The following SUGCT variants were observed in gnomAD, a reference collection of about 807,000 sequenced individuals.
SUGCT encodes the protein succinyl-CoA:glutarate CoA-transferase.
A neutral mutation model predicts 55.0 loss-of-function variants in SUGCT; 41 were observed. That is an observed-to-expected ratio of 0.74 (90% CI 0.58 to 0.97). The LOEUF (loss-of-function observed/expected upper bound fraction) is 0.97. Among genes scored for constraint, SUGCT ranks in the 50% least tolerant of loss-of-function variants. The pLI is 0.00. For missense variants in SUGCT, 568 were observed against 547.8 expected (o/e 1.04, Z -0.37); for synonymous variants, 187 against 200.4 (o/e 0.93, Z 0.56).
At chr7:40,801,350 G>T (rs1228610435) in intron 13 of SUGCT, among the ~76,000 whole-genome samples, 1 of 152,168 alleles carries the variant, frequency 6.6e-6, no homozygotes, top group East Asian at 1.9e-4. Context: ...ACATCTTGTG[G>T]GGGGGAGGTC....
At chr7:40,355,730 T>A (rs536679785) in intron 9 of SUGCT, among the ~76,000 whole-genome samples, 111 of 152,366 alleles carry the variant, frequency 7.3e-4, no homozygotes, top group African/African-American at 2.6e-3. Flanking sequence ...TTTCACTTCA[T>A]TCAGGTGTAA....
intron 9 of SUGCT, among the ~76,000 whole-genome samples, chr7:40,363,195 TTC>T (rs1370208945): frequency 5.9e-5 from 9 of 152,014 alleles, no homozygotes; most frequent in African/African-American, 2.4e-5. Flanking sequence ...TATTTGATTC[TTC>T]TCTCTTTTTT....
At chr7:40,483,198 T>C (rs1384793485) in intron 11 of SUGCT, among the ~76,000 whole-genome samples, 1 of 152,178 alleles carries the variant, frequency 6.6e-6, no homozygotes, top group Non-Finnish European at 1.5e-5. Context: ...GACTCGAGGC[T>C]GGATCTTACA....
the SUGCT span, among the ~76,000 whole-genome samples, chr7:41,016,303 A>T: frequency 6.6e-6 from 1 of 152,274 alleles, no homozygotes; most frequent in African/African-American, 2.4e-5. Flanking sequence ...AATCTTAGAG[A>T]CAGATGCATG....
intron 12 of SUGCT, among the ~76,000 whole-genome samples, chr7:40,733,021 A>G (rs1270582191): frequency 9.2e-5 from 14 of 152,136 alleles, no homozygotes. Flanking sequence ...GTGAGCTGAA[A>G]TTGTGCTGCT....
At chr7:40,198,045 A>G (rs1786385335) in intron 6 of SUGCT, among the ~76,000 whole-genome samples, 1 of 152,210 alleles carries the variant, frequency 6.6e-6, no homozygotes, top group African/African-American at 2.4e-5. Flanking sequence ...GTTCTCAGAC[A>G]AGGAAGAATG....
intron 12 of SUGCT, among the ~76,000 whole-genome samples, chr7:40,572,402 TG>T (rs1269568901): frequency 6.6e-6 from 1 of 152,152 alleles, no homozygotes; most frequent in Admixed American, 6.5e-5. Flanking sequence ...GGCTCTCAGG[TG>T]GCTCGTGTTC....
the SUGCT span, among the ~76,000 whole-genome samples, chr7:40,902,332 A>T: frequency 6.6e-6 from 1 of 152,118 alleles, no homozygotes. Flanking sequence ...TAATCCCAGC[A>T]CTTTAGGAGG....
intron 12 of SUGCT, among the ~76,000 whole-genome samples, chr7:40,551,662 C>A (rs1795304701): frequency 6.6e-6 from 1 of 152,184 alleles, no homozygotes; most frequent in Admixed American, 6.5e-5. Flanking sequence ...AGGCATACAT[C>A]CTGTCCACAA....
intron 12 of SUGCT, among the ~76,000 whole-genome samples, chr7:40,553,444 T>C (rs1795404218): frequency 1.3e-5 from 2 of 152,254 alleles, no homozygotes; most frequent in Admixed American, 1.3e-4. Context: ...ATCAATGCCA[T>C]TGCACTTGCA....
intron 11 of SUGCT, among the ~76,000 whole-genome samples, chr7:40,495,131 C>T (rs1175884609): frequency 2.0e-5 from 3 of 151,636 alleles, no homozygotes; most frequent in Middle Eastern, 3.5e-3. Context: ...AGGCTGGTCT[C>T]GAACTCCTGA....
rs1787608897 is a variant in SUGCT at position 40,135,133 on chromosome 7, A to T, written c.100+13A>T. The T allele has an allele frequency of 6.5e-7, 1 of 1,544,638 alleles. No individual in the cohort carries two copies. Among genetic ancestry groups the T allele is most frequent in the African/African-American group, 1.4e-5 (1 of 71,716 alleles). On this transcript the variant is annotated intron_variant, in intron 1 of 13. Coordinates refer to ENST00000335693, the MANE Select transcript of SUGCT (RefSeq NM_001193313.2). ...CGCCCGCAGTCAGGTACCCTCCGAG[A>T]TTCGGTCTGGGTGGCTAAAGGGATC... is the stretch of plus-strand genomic sequence containing the variant.
chr7:40,648,417 G>C (rs1800626840), intron 12 of SUGCT, among the ~76,000 whole-genome samples: 1 of 152,080 alleles, frequency 6.6e-6, no homozygotes, highest in Non-Finnish European at 1.5e-5. Context: ...TATTTAAATT[G>C]CTTCCAGTTG....
chr7:40,736,246 A>T (rs1351420176), intron 12 of SUGCT, among the ~76,000 whole-genome samples: 3 of 68,008 alleles, frequency 4.4e-5, no homozygotes, highest in Admixed American at 4.2e-4. Context: ...TATAATATAT[A>T]ATATATTATA....
intron 13 of SUGCT, among the ~76,000 whole-genome samples, chr7:40,750,580 C>A (rs575368700): frequency 6.6e-6 from 1 of 152,212 alleles, no homozygotes; most frequent in South Asian, 2.1e-4. Context: ...TAAATAGAAT[C>A]TAAGATTTGG....
At chr7:40,219,017 C>T (rs148494145) in intron 6 of SUGCT, among the ~76,000 whole-genome samples, 6 of 152,158 alleles carry the variant, frequency 3.9e-5, no homozygotes, top group African/African-American at 1.4e-4. Flanking sequence ...TCTTTGGGTC[C>T]GCACTACCTT....
At chr7:40,627,026 C>G (rs1387347846) in intron 12 of SUGCT, among the ~76,000 whole-genome samples, 1 of 152,082 alleles carries the variant, frequency 6.6e-6, no homozygotes, top group African/African-American at 2.4e-5. Context: ...ATGTGCATTG[C>G]AAAGGTATTG....
chr7:40,159,269 T>G (rs755116223), intron 1 of SUGCT, among the ~76,000 whole-genome samples: 1 of 150,968 alleles, frequency 6.6e-6, no homozygotes, highest in Non-Finnish European at 1.5e-5. Flanking sequence ...AGAGAGACAA[T>G]TGGAGTAGTA....
chr7:40,858,468 C>G (rs1794311097), intron 13 of SUGCT, among the ~76,000 whole-genome samples: 2 of 146,012 alleles, frequency 1.4e-5, no homozygotes, highest in Admixed American at 1.4e-4. Context: ...GCTATTACTA[C>G]TACTGTCTTG....
Sources: allele counts gnomAD v4.1 joint callset (sites outside exome capture counted in the v4.1 genomes callset), GRCh38; gene constraint gnomAD v4.1.1; transcripts MANE v1.5; gene names NCBI Gene and HGNC (gene_info 2026-07-23, HGNC 2026-07-21).